Variants in KLF8 observed in about 807,000 individuals in gnomAD.
KLF8 encodes the protein KLF transcription factor 8, also known as Krueppel-like factor 8.
In KLF8, 10 loss-of-function variants were observed where a neutral mutation model predicts 18.2. The observed-to-expected ratio is 0.55, with a 90% CI of 0.34 to 0.93. KLF8 has a LOEUF of 0.93. Among genes scored for constraint, KLF8 ranks in the 40% least tolerant of loss-of-function variants. The pLI is 0.02. For missense variants in KLF8, 264 were observed against 277.9 expected, an observed-to-expected ratio of 0.95 and a Z score of 0.36; for synonymous variants, 109 against 97.3, an observed-to-expected ratio of 1.12 and a Z score of -0.71.
intron 5 of KLF8, 60 bp downstream of exon 5, chrX:56,270,381 C>CACACAA: frequency 2.6e-6 from 2 of 779,214 alleles, no homozygotes; most frequent in Non-Finnish European, 3.2e-6. Flanking sequence ...CACACACACA[C>CACACAA]GAGAGAGAGA....
At chrX:56,050,442 T>C in the KLF8 span, among the ~76,000 whole-genome samples, 6 of 112,243 alleles carry the variant, frequency 5.3e-5, no homozygotes, top group African/African-American at 1.6e-4. Context: ...GCTTTGAATG[T>C]GTCCCAGAGA....
At chrX:56,051,096 C>T in the KLF8 span, among the ~76,000 whole-genome samples, 90 of 110,534 alleles carry the variant, frequency 8.1e-4, no homozygotes, top group Non-Finnish European at 1.6e-3. Flanking sequence ...GCAACCCCTG[C>T]CTTTTTTTGT....
chrX:56,281,325 T>G (rs751522373), intron 5 of KLF8, among the ~76,000 whole-genome samples: 221 of 112,117 alleles, frequency 2.0e-3, no homozygotes, highest in Non-Finnish European at 2.8e-3. Flanking sequence ...CTGGGTTGCT[T>G]TCTTCATCTA....
the KLF8 span, among the ~76,000 whole-genome samples, chrX:56,000,522 A>G: frequency 2.0e-5 from 2 of 101,361 alleles, no homozygotes; most frequent in Non-Finnish European, 4.0e-5. Context: ...CAATCTCATT[A>G]CTTATTATTG....
the KLF8 span, among the ~76,000 whole-genome samples, chrX:55,955,306 A>G: frequency 9.0e-6 from 1 of 111,423 alleles, no homozygotes; most frequent in Non-Finnish European, 1.9e-5. Context: ...TTTTTGAAGA[A>G]TAGTAAAAAA....
At chrX:55,931,309 C>A in the KLF8 span, among the ~76,000 whole-genome samples, 2 of 111,613 alleles carry the variant, frequency 1.8e-5, no homozygotes, top group Non-Finnish European at 3.8e-5. Flanking sequence ...TTAATCTTTT[C>A]CAAAAAACTA....
At chrX:56,266,651 T>A in intron 3 of KLF8, 4 of 752,927 alleles carry the variant, frequency 5.3e-6, no homozygotes, top group Non-Finnish European at 6.3e-6. Flanking sequence ...CTAGTTTTCC[T>A]CCCAGAGGTA....
the KLF8 span, among the ~76,000 whole-genome samples, chrX:56,187,568 CA>C: frequency 9.0e-6 from 1 of 110,727 alleles, no homozygotes; most frequent in Non-Finnish European, 1.9e-5. Flanking sequence ...GAGACACAAC[CA>C]AAAAAGAAAA....
chrX:56,112,402 C>G, the KLF8 span, among the ~76,000 whole-genome samples: 6 of 111,345 alleles, frequency 5.4e-5, no homozygotes, highest in African/African-American at 2.0e-4. Flanking sequence ...ATGGGTGCAG[C>G]AAACCACCAT....
the KLF8 span, among the ~76,000 whole-genome samples, chrX:56,082,365 T>C: frequency 9.0e-6 from 1 of 111,280 alleles, no homozygotes; most frequent in Non-Finnish European, 1.9e-5. Context: ...TCAATCTGAC[T>C]AAAGGTTTGT....
chrX:55,936,399 A>C, the KLF8 span, among the ~76,000 whole-genome samples: 1 of 112,553 alleles, frequency 8.9e-6, no homozygotes, highest in East Asian at 2.8e-4. Context: ...GTCGAGGTGG[A>C]GCCAAGATGG....
the KLF8 span, among the ~76,000 whole-genome samples, chrX:56,223,915 C>A: frequency 1.8e-5 from 2 of 110,867 alleles, no homozygotes; most frequent in South Asian, 3.8e-4. Flanking sequence ...TTATCTTACA[C>A]CTGTTTGTTA....
At chrX:56,137,853 G>A in the KLF8 span, among the ~76,000 whole-genome samples, 1 of 108,342 alleles carries the variant, frequency 9.2e-6, no homozygotes, top group Non-Finnish European at 1.9e-5. Context: ...TAACCAAACT[G>A]GGTTTTAAAA....
At chrX:56,163,052 C>G in the KLF8 span, among the ~76,000 whole-genome samples, 1 of 112,250 alleles carries the variant, frequency 8.9e-6, no homozygotes, top group South Asian at 3.6e-4. Flanking sequence ...CTGCAGTAAA[C>G]ACATGCATGT....
chrX:56,176,654 T>C, the KLF8 span, among the ~76,000 whole-genome samples: 3 of 111,643 alleles, frequency 2.7e-5, no homozygotes, highest in African/African-American at 9.7e-5. Context: ...TTGCCTGCCT[T>C]ACTAGATTGG....
At chrX:56,186,417 A>G in the KLF8 span, among the ~76,000 whole-genome samples, 1 of 111,406 alleles carries the variant, frequency 9.0e-6, no homozygotes, top group Non-Finnish European at 1.9e-5. Context: ...ACTCCCACAC[A>G]ATAATAATGG....
At chrX:56,083,786 A>G in the KLF8 span, among the ~76,000 whole-genome samples, 1 of 111,162 alleles carries the variant, frequency 9.0e-6, no homozygotes, top group African/African-American at 3.3e-5. Flanking sequence ...TGTGTACCCT[A>G]TTGTGAACTG....
chrX:56,051,268 A>G, the KLF8 span, among the ~76,000 whole-genome samples: 1 of 110,474 alleles, frequency 9.1e-6, no homozygotes, highest in Non-Finnish European at 1.9e-5. Context: ...GTCCATTTAC[A>G]TTTAAAGTTA....
the KLF8 span, among the ~76,000 whole-genome samples, chrX:56,004,528 A>G: frequency 8.9e-6 from 1 of 112,131 alleles, no homozygotes; most frequent in Non-Finnish European, 1.9e-5. Context: ...TTATATGAGT[A>G]TCTATAGCTA....
Sources: allele counts gnomAD v4.1 joint callset (sites outside exome capture counted in the v4.1 genomes callset), GRCh38; gene constraint gnomAD v4.1.1; transcripts MANE v1.5; gene names NCBI Gene and HGNC (gene_info 2026-07-23, HGNC 2026-07-21).